The following MTFR1 variants were observed in gnomAD, a reference collection of about 807,000 sequenced individuals.
MTFR1 encodes the protein mitochondrial fission regulator 1, also known as chondrocyte protein with a poly-proline region.
MTFR1 carries 28 observed loss-of-function variants against 38.8 expected under a neutral mutation model. That is an observed-to-expected ratio of 0.72 (90% CI 0.53 to 0.99). MTFR1 has a LOEUF of 0.99. Ranked by LOEUF, MTFR1 falls within the 50% of genes least tolerant of loss-of-function variation. The pLI, the probability that MTFR1 is intolerant of heterozygous loss-of-function variation, is 0.00. For missense variants in MTFR1, 358 were observed against 395.5 expected, an observed-to-expected ratio of 0.91 and a Z score of 0.81; for synonymous variants, 145 against 137.0, an observed-to-expected ratio of 1.06 and a Z score of -0.41.
chr8:65,704,708 C>A lies in MTFR1; in HGVS notation c.296C>A (p.Ser99Ter), dbSNP rs750337535. Residue 99 changes from serine (S) to a stop codon, truncating the protein, a stop_gained, in exon 5 of 8, where the codon TCA (serine) becomes TAA (stop). Transcript: ENST00000262146. LOFTEE classifies it high-confidence loss of function. ...CTTCCTTGCAGGACAGAGGTCAGAT[C>A]AAGGCCACCCCTTCAGGATGACCTT... The part of the protein sequence containing the change: ...CSARLRTEVR[S>*]RPPLQDDLLF... 6.2e-7 allele frequency: 1 copy of A among 1,614,036 alleles called. No homozygotes were observed. Among genetic ancestry groups the A allele is most frequent in the Non-Finnish European group, 8.5e-7 (1 of 1,179,952 alleles).
At chr8:65,682,835 ATT>A in intron 3 of MTFR1, 1 of 985,016 alleles carries the variant, frequency 1.0e-6, no homozygotes, top group Non-Finnish European at 1.2e-6. Flanking sequence ...CCCCTGCTTT[ATT>A]TTTAGATCTC....
At position 65,707,111 on chromosome 8, in the gene MTFR1, G is replaced by C; in HGVS notation, c.619G>C (p.Ala207Pro). 6.2e-7 allele frequency: 1 copy of C among 1,608,110 alleles called. No homozygotes were observed. The highest frequency in any genetic ancestry group is 8.5e-7 in the Non-Finnish European group (1 of 1,176,534). The change falls in exon 6 of 8, where the codon GCT becomes CCT. Residue 207 changes from alanine to proline, a missense_variant. Transcript: ENST00000262146. Reference protein sequence around the residue: ...PALGLHQSTSAVDLIKERREK... With the variant: ...PALGLHQSTSPVDLIKERREK... Reference sequence around the variant, plus strand: ...ACTGGGGCTCCACCAAAGTACATCTGCTGTTGATCTGATTAAAGAACGAAG... The same window carrying C: ...ACTGGGGCTCCACCAAAGTACATCTCCTGTTGATCTGATTAAAGAACGAAG...
At chr8:65,769,247 C>CAA (rs61554087) in intron 3 of MTFR1, among the ~76,000 whole-genome samples, 1,024 of 74,170 alleles carry the variant, frequency 0.014, 30 homozygotes, top group African/African-American at 0.046. Flanking sequence ...GACTCAGTCT[C>CAA]AAAAAAAAAA....
At chr8:65,712,456 C>T (rs1273617724), downstream of MTFR1, among the ~76,000 whole-genome samples, 1 of 152,092 alleles carries the variant, frequency 6.6e-6, no homozygotes, top group Non-Finnish European at 1.5e-5. Context: ...GAATCAGTGC[C>T]AGGAGCTCAA....
chr8:65,707,109 C>T lies in MTFR1; in HGVS notation c.617C>T (p.Ser206Phe). 7.0e-7 allele frequency: 1 copy of T among 1,423,838 alleles called. No individual in the cohort carries two copies. The highest frequency in any genetic ancestry group is 9.4e-7 in the Non-Finnish European group (1 of 1,059,108). The allele number at this position is 1,423,838 out of a possible 1,614,324, so 88.2% of individuals were successfully genotyped here. ...PPALGLHQST[S>F]AVDLIKERRE... ...GCACTGGGGCTCCACCAAAGTACAT[C>T]TGCTGTTGATCTGATTAAAGAACGA... Residue 206 changes from serine to phenylalanine, a missense_variant, in exon 6 of 8, where the codon TCT becomes TTT. Ser to Phe is a radical substitution (Grantham distance 155, BLOSUM62 -2). Transcript: ENST00000262146.
chr8:65,656,603 G>A (rs901889366), intron 1 of MTFR1, among the ~76,000 whole-genome samples: 6 of 150,614 alleles, frequency 4.0e-5, no homozygotes, highest in Non-Finnish European at 8.8e-5. Context: ...CCAGATTCAA[G>A]CGATTCTCAC....
intron 1 of MTFR1, among the ~76,000 whole-genome samples, chr8:65,655,970 C>CTGTGTATATATATAT (rs1809252480): frequency 1.9e-5 from 1 of 53,636 alleles, no homozygotes; most frequent in African/African-American, 1.0e-4. Context: ...ATATATATAC[C>CTGTGTATATATATAT]ATATATATAT....
intron 4 of MTFR1, among the ~76,000 whole-genome samples, chr8:65,699,891 T>C (rs1805559830): frequency 6.6e-6 from 1 of 152,248 alleles, no homozygotes; most frequent in African/African-American, 2.4e-5. Context: ...AGCTCTTCAA[T>C]ATATTTCTTC....
chr8:65,757,456 T>A (rs1481673815), intron 3 of MTFR1, among the ~76,000 whole-genome samples: 1 of 152,166 alleles, frequency 6.6e-6, no homozygotes, highest in Non-Finnish European at 1.5e-5. Flanking sequence ...TCTCCCAGGG[T>A]GAGGCTACTC....
chr8:65,654,163 A>G (rs949391980), intron 1 of MTFR1, among the ~76,000 whole-genome samples: 3 of 152,182 alleles, frequency 2.0e-5, no homozygotes, highest in Non-Finnish European at 2.9e-5. Flanking sequence ...TAAGTGTATA[A>G]TAAAAGTGGA....
chr8:65,752,133 C>T (rs564508578), intron 3 of MTFR1, among the ~76,000 whole-genome samples: 3 of 152,186 alleles, frequency 2.0e-5, no homozygotes, highest in South Asian at 2.1e-4. Flanking sequence ...AGTTATTGCA[C>T]GAGGAAGTCA....
At chr8:65,691,783 C>T (rs1365427635) in intron 3 of MTFR1, among the ~76,000 whole-genome samples, 2 of 152,010 alleles carry the variant, frequency 1.3e-5, no homozygotes, top group African/African-American at 4.8e-5. Context: ...CCTAGTGGCT[C>T]GGGTTACAGG....
At chr8:65,661,233 C>G (rs1464420045) in intron 1 of MTFR1, among the ~76,000 whole-genome samples, 1 of 152,182 alleles carries the variant, frequency 6.6e-6, no homozygotes, top group Non-Finnish European at 1.5e-5. Flanking sequence ...GATGATGTGT[C>G]ACTGTAGGTT....
intron 4 of MTFR1, among the ~76,000 whole-genome samples, chr8:65,695,461 A>G (rs1021735994): frequency 2.0e-5 from 3 of 152,120 alleles, no homozygotes; most frequent in Non-Finnish European, 4.4e-5. Context: ...GGTTCTATCA[A>G]TTCTCCTGCC....
At chr8:65,674,683 A>T (rs899500743) in intron 2 of MTFR1, among the ~76,000 whole-genome samples, 3 of 152,196 alleles carry the variant, frequency 2.0e-5, no homozygotes, top group African/African-American at 7.2e-5. Context: ...CATTTTTCCC[A>T]TTAGAACAGC....
chr8:65,706,883 TA>T lies in MTFR1; in HGVS notation c.518-125del, dbSNP rs1474763063. 8 of 1,038,882 alleles carry T rather than the reference TA, an allele frequency of 7.7e-6. No homozygotes were observed. In the East Asian group the frequency reaches 2.0e-4, roughly 26 times the overall value. The allele number at this position is 1,038,882 out of a possible 1,614,324, so 64.4% of individuals were successfully genotyped here. A position where few individuals can be genotyped will look rare whatever the true frequency, so the allele number is the denominator to read the frequency against. ...AACTGAAACTGTCTTGCTTCTTACATAACTGAAACGTTAAGAATATTGTTTT... is the reference window on the plus strand; with the variant it reads ...AACTGAAACTGTCTTGCTTCTTACATACTGAAACGTTAAGAATATTGTTTT... On this transcript the variant is annotated intron_variant, in intron 5 of 7. Transcript: ENST00000262146.
chr8:65,720,373 A>C (rs1806322607), intron 3 of MTFR1: 1 of 154,168 alleles, frequency 6.5e-6, no homozygotes, highest in South Asian at 2.0e-4. Flanking sequence ...TTCTGATTCT[A>C]TCACGCTTTA....
At chr8:65,743,113 T>C (rs1220641317) in intron 3 of MTFR1, among the ~76,000 whole-genome samples, 1 of 151,888 alleles carries the variant, frequency 6.6e-6, no homozygotes, top group Non-Finnish European at 1.5e-5. Flanking sequence ...AGACTAATAA[T>C]AGGCTATGAG....
chr8:65,678,934 G>A (rs1024274272), intron 2 of MTFR1, among the ~76,000 whole-genome samples: 2 of 151,986 alleles, frequency 1.3e-5, no homozygotes, highest in African/African-American at 4.8e-5. Flanking sequence ...TCTTGTTGAA[G>A]GCACCTAGTA....
Sources: gnomAD v4.1 joint callset for allele counts (sites outside exome capture counted in the v4.1 genomes callset) on GRCh38, gnomAD v4.1.1 for gene constraint, MANE v1.5 for transcripts, NCBI Gene and HGNC (gene_info 2026-07-23, HGNC 2026-07-21) for gene names.